IL1RAPL2: variants seen among roughly 807,000 people sequenced by gnomAD.
The protein encoded by IL1RAPL2 is interleukin 1 receptor accessory protein like 2.
Under a neutral mutation model 44.1 loss-of-function variants are expected in IL1RAPL2, and 3 were observed. The ratio of observed to expected loss-of-function variants is 0.07; its 90% CI spans 0.03 to 0.18. The LOEUF (loss-of-function observed/expected upper bound fraction) is 0.18, where lower values mean the gene tolerates loss of function less well. Among genes scored for constraint, IL1RAPL2 ranks in the 10% least tolerant of loss-of-function variants. The pLI, the probability that IL1RAPL2 is intolerant of heterozygous loss-of-function variation, is 1.00. For missense variants in IL1RAPL2, 391 were observed against 496.4 expected, an observed-to-expected ratio of 0.79 and a Z score of 2.02; for synonymous variants, 181 against 178.8, an observed-to-expected ratio of 1.01 and a Z score of -0.10.
chrX:105,352,486 G>T (rs775014999), intron 5 of IL1RAPL2, among the ~76,000 whole-genome samples: 1 of 111,371 alleles, frequency 9.0e-6, no homozygotes, highest in African/African-American at 3.3e-5. Context: ...CCTAGTTCTA[G>T]ATCCCTGAGG....
At chrX:104,997,964 A>G (rs2030778375) in intron 2 of IL1RAPL2, among the ~76,000 whole-genome samples, 2 of 111,347 alleles carry the variant, frequency 1.8e-5, no homozygotes, top group Non-Finnish European at 3.8e-5. Flanking sequence ...CTGAAGATAT[A>G]AATTTAGGAT....
intron 2 of IL1RAPL2, among the ~76,000 whole-genome samples, chrX:104,689,600 A>G (rs1931054661): frequency 8.9e-6 from 1 of 111,965 alleles, no homozygotes; most frequent in Non-Finnish European, 1.9e-5. Flanking sequence ...GGGCCACAGC[A>G]CTGCTGGTAT....
intron 2 of IL1RAPL2, among the ~76,000 whole-genome samples, chrX:104,672,930 T>C (rs193219113): frequency 0.054 from 6,069 of 111,733 alleles, 437 homozygotes; most frequent in African/African-American, 0.19. Flanking sequence ...CTTCGCCCAC[T>C]TTTTGATAGG....
intron 5 of IL1RAPL2, among the ~76,000 whole-genome samples, chrX:105,439,161 T>C (rs2035901626): frequency 9.0e-6 from 1 of 111,618 alleles, no homozygotes; most frequent in Non-Finnish European, 1.9e-5. Flanking sequence ...GTTTATAAAT[T>C]ACCCATTGCC....
rs1038629467 is a variant in IL1RAPL2, at chrX:105,441,371, T to A, written c.698-42942T>A. On this transcript the variant is annotated intron_variant, in intron 5 of 10. Transcript: ENST00000372582. ...AGAGCATGCCCATATACCCACACAG[T>A]CTCCTTTGGTGTAACTACCACATCA... Among the ~76,000 whole-genome samples, 7 of 111,852 alleles carry A rather than the reference T, an allele frequency of 6.3e-5. No individual in the cohort carries two copies. In the East Asian group the frequency reaches 2.0e-3, roughly 32 times the overall value.
At chrX:104,608,059 A>G (rs1929056003) in intron 1 of IL1RAPL2, among the ~76,000 whole-genome samples, 1 of 111,748 alleles carries the variant, frequency 8.9e-6, no homozygotes, top group African/African-American at 3.3e-5. Context: ...ATAAAAAAGG[A>G]TGAGTTCATG....
At chrX:105,670,650 T>C (rs1013606249) in intron 6 of IL1RAPL2, among the ~76,000 whole-genome samples, 5 of 109,172 alleles carry the variant, frequency 4.6e-5, no homozygotes, top group Non-Finnish European at 9.5e-5. Flanking sequence ...TTGATAGTAA[T>C]GCATTAAACC....
chrX:105,623,993 C>T (rs889046500), intron 6 of IL1RAPL2, among the ~76,000 whole-genome samples: 1 of 111,520 alleles, frequency 9.0e-6, no homozygotes, highest in South Asian at 3.7e-4. Context: ...TAAGGAAAAG[C>T]TTGTCCATGG....
rs1184051276 is a variant in IL1RAPL2 at position 105,316,362 on chromosome X, C to T, written c.697+48821C>T. Among the ~76,000 whole-genome samples, 3 of 111,893 alleles carry T rather than the reference C, an allele frequency of 2.7e-5. No homozygotes were observed. In the East Asian group the frequency reaches 8.4e-4, roughly 31 times the overall value. ...CTGCTTGCTAATCAATGAAAAAAGG[C>T]ATGAAATGAGTGATGGCCAAGACTG... On this transcript the variant is annotated intron_variant, in intron 5 of 10. Coordinates refer to ENST00000372582, the MANE Select transcript of IL1RAPL2 (RefSeq NM_017416.2).
intron 2 of IL1RAPL2, among the ~76,000 whole-genome samples, chrX:105,009,141 A>G (rs908428678): frequency 1.8e-5 from 2 of 111,613 alleles, no homozygotes; most frequent in Non-Finnish European, 3.8e-5. Flanking sequence ...ATGCTTTTAC[A>G]CTGTTGGTGG....
intron 2 of IL1RAPL2, among the ~76,000 whole-genome samples, chrX:105,001,188 G>A (rs2030844800): frequency 9.0e-6 from 1 of 111,496 alleles, no homozygotes; most frequent in South Asian, 3.7e-4. Context: ...TTGGTGCCAG[G>A]TTACCATAGC....
At chrX:104,944,606 T>C (rs1281807030) in intron 2 of IL1RAPL2, among the ~76,000 whole-genome samples, 2 of 111,897 alleles carry the variant, frequency 1.8e-5, no homozygotes, top group Non-Finnish European at 3.8e-5. Flanking sequence ...ATGAGGACAA[T>C]GCTGCCTCCT....
At chrX:104,950,558 C>T (rs1012571801) in intron 2 of IL1RAPL2, among the ~76,000 whole-genome samples, 1 of 112,500 alleles carries the variant, frequency 8.9e-6, no homozygotes. Context: ...TGACGGGCGC[C>T]CCTCCCCCAG....
chrX:105,038,235 C>T (rs2031663485), intron 2 of IL1RAPL2, among the ~76,000 whole-genome samples: 1 of 111,093 alleles, frequency 9.0e-6, no homozygotes, highest in African/African-American at 3.3e-5. Flanking sequence ...CAATGACCAT[C>T]ATTTTGCAAA....
chrX:104,774,042 C>T (rs778820575), intron 2 of IL1RAPL2, among the ~76,000 whole-genome samples: 2 of 111,478 alleles, frequency 1.8e-5, no homozygotes, highest in African/African-American at 3.3e-5. Context: ...CCTGAATTAA[C>T]GGAATGGGTA....
chrX:104,580,311 TAC>T (rs1203603546), intron 1 of IL1RAPL2, among the ~76,000 whole-genome samples: 12 of 112,720 alleles, frequency 1.1e-4, no homozygotes, highest in Admixed American at 4.7e-4. Flanking sequence ...TCACAGCTTT[TAC>T]ATTTGAACAA....
intron 2 of IL1RAPL2, among the ~76,000 whole-genome samples, chrX:104,975,006 G>A (rs1168588250): frequency 4.5e-5 from 5 of 112,213 alleles, no homozygotes; most frequent in Non-Finnish European, 9.4e-5. Context: ...ACCCTGCAGA[G>A]GCAGGGGGAT....
At chrX:105,248,602 G>A (rs189538721) in intron 4 of IL1RAPL2, among the ~76,000 whole-genome samples, 16 of 110,684 alleles carry the variant, frequency 1.4e-4, no homozygotes, top group African/African-American at 2.0e-4. Flanking sequence ...AATCGGACAA[G>A]GGATTAATCA....
chrX:104,906,176 G>T (rs746495825), intron 2 of IL1RAPL2, among the ~76,000 whole-genome samples: 1 of 111,513 alleles, frequency 9.0e-6, no homozygotes, highest in South Asian at 3.8e-4. Context: ...CTTTGCTGAA[G>T]TTGCTTATCA....
Sources: allele counts gnomAD v4.1 joint callset (sites outside exome capture counted in the v4.1 genomes callset), GRCh38; gene constraint gnomAD v4.1.1; transcripts MANE v1.5; gene names NCBI Gene and HGNC (gene_info 2026-07-23, HGNC 2026-07-21).